Variants in PRSS53 observed in about 807,000 individuals in gnomAD.
PRSS53 encodes the protein serine protease 53.
A neutral mutation model predicts 62.7 loss-of-function variants in PRSS53; 54 were observed. The observed-to-expected ratio is 0.86, with a 90% CI of 0.69 to 1.08. PRSS53 has a LOEUF of 1.08. PRSS53 is among the 50% of genes least tolerant of loss of function. The pLI is 0.00. For missense variants in PRSS53, 688 were observed against 728.3 expected (o/e 0.94, Z 0.64); for synonymous variants, 273 against 300.0 (o/e 0.91, Z 0.93).
At chr16:31,088,035 C>T (rs1233686706) in intron 1 of PRSS53, 2 of 1,457,174 alleles carry the variant, frequency 1.4e-6, no homozygotes, top group Admixed American at 4.6e-5. Context: ...AATTAATTCT[C>T]CTTCAGCTGT....
intron 4 of PRSS53, 30 bp from the exon 5 acceptor site, chr16:31,086,521 G>A (rs764002865): frequency 1.3e-6 from 2 of 1,593,534 alleles, no homozygotes; most frequent in African/African-American, 1.3e-5. Context: ...TGGGGCTAGA[G>A]TCTGGGATCT....
exon 5 of PRSS53, chr16:31,086,417 G>A (rs750162026): frequency 3.1e-6 from 5 of 1,614,164 alleles, no homozygotes; most frequent in South Asian, 1.1e-5. Flanking sequence ...TGTCGCTGGT[G>A]CAGCTGGTTG....
In PRSS53 at chr16:31,084,779, C is replaced by T. The variant is rs775659363; in HGVS notation, c.1279+1G>A. On this transcript the variant is annotated splice_donor_variant, in intron 8 of 10. Coordinates refer to ENST00000280606, the Ensembl canonical transcript of PRSS53. LOFTEE classifies it high-confidence loss of function. ...GCAGCCCTGGCCCTGTGCCCACCTA[C>T]CTGCTCCTGGGCGGGCCCGTCCCAG... 3.0e-5 allele frequency: 47 copies of T among 1,560,736 alleles called. No individual in the cohort carries two copies. Among genetic ancestry groups the T allele is most frequent in the African/African-American group, 2.2e-4 (16 of 73,838 alleles).
At chr16:31,087,751 C>T in intron 2 of PRSS53, 52 bp from the exon 3 acceptor site, 1 of 1,614,126 alleles carries the variant, frequency 6.2e-7, no homozygotes, top group Non-Finnish European at 8.5e-7. Context: ...CTGACCTCAC[C>T]CCAGTCCCAA....
At chr16:31,083,507 A>G (rs2057192857) in exon 11 of PRSS53, 3 of 1,339,034 alleles carry the variant, frequency 2.2e-6, no homozygotes, top group Non-Finnish European at 2.9e-6. Flanking sequence ...GAAATTTTCA[A>G]AACAACGTGG....
At chr16:31,083,628 G>A in exon 11 of PRSS53, 1 of 1,512,146 alleles carries the variant, frequency 6.6e-7, no homozygotes, top group Non-Finnish European at 8.9e-7. Context: ...GCAGGGTGGG[G>A]AGTGGGCACC....
At chr16:31,087,225 G>A in intron 3 of PRSS53, 2 of 532,266 alleles carry the variant, frequency 3.8e-6, no homozygotes, top group Non-Finnish European at 3.3e-6. Flanking sequence ...TTGAACTCTT[G>A]GGCTCAAGCG....
chr16:31,088,866 T>G, exon 1 of PRSS53: 1 of 1,606,606 alleles, frequency 6.2e-7, no homozygotes, highest in Non-Finnish European at 8.5e-7. Context: ...CACCTGGGTC[T>G]CCCTGGCTCC....
At chr16:31,083,584 TG>T (rs2057193933) in exon 11 of PRSS53, 2 of 1,446,726 alleles carry the variant, frequency 1.4e-6, no homozygotes, top group South Asian at 3.0e-5. Flanking sequence ...GTAGCAGAGT[TG>T]GGTGTGGGAG....
chr16:31,084,064 A>G, intron 10 of PRSS53, 55 bp downstream of exon 10: 1 of 1,536,072 alleles, frequency 6.5e-7, no homozygotes, highest in Non-Finnish European at 8.8e-7. Context: ...TTCTCACTGG[A>G]GAGAGAAGGG....
chr16:31,084,249 G>C, exon 10 of PRSS53: 1 of 1,612,092 alleles, frequency 6.2e-7, no homozygotes, highest in Non-Finnish European at 8.5e-7. Context: ...GCCTGGCGGG[G>C]CCTTGGCAAG....
intron 1 of PRSS53, chr16:31,088,165 G>C (rs2057254236): frequency 3.1e-6 from 4 of 1,281,402 alleles, no homozygotes; most frequent in South Asian, 1.6e-5. Flanking sequence ...TGTGTAGAGA[G>C]CATTAGCTTA....
At chr16:31,088,535 C>T in intron 1 of PRSS53, 1 of 1,428,808 alleles carries the variant, frequency 7.0e-7, no homozygotes, top group Non-Finnish European at 9.2e-7. Flanking sequence ...GACCACAGGC[C>T]CCGCCAACGC....
chr16:31,087,669 T>C (rs1356587393), exon 3 of PRSS53: 1 of 1,612,058 alleles, frequency 6.2e-7, no homozygotes, highest in Non-Finnish European at 8.5e-7. Flanking sequence ...CTCCTGAGGC[T>C]TGGGGGGGCC....
In PRSS53 at chr16:31,083,643, G is replaced by T. The variant is rs1010405619; in HGVS notation, c.*147C>A. ...GCAGGGTGGGGAGTGGGCACCTGTG[G>T]CCCCAGGCAGGTTCCTTCCCACAGC... On this transcript the variant is annotated 3_prime_UTR_variant, in exon 11 of 11. Coordinates refer to ENST00000280606, the Ensembl canonical transcript of PRSS53. The T allele has an allele frequency of 5.9e-6, 9 of 1,530,360 alleles. No homozygotes were observed. The African/African-American group carries it at 9.6e-5, about 16-fold the overall frequency. The allele number at this position is 1,530,360 out of a possible 1,614,324, so 94.8% of individuals were successfully genotyped here.
At chr16:31,087,304 G>A in intron 3 of PRSS53, 1 of 582,148 alleles carries the variant, frequency 1.7e-6, no homozygotes, top group Non-Finnish European at 3.1e-6. Context: ...GCCTCAGTCT[G>A]TGACTTTAAG....
intron 10 of PRSS53, 108 bp downstream of exon 10, chr16:31,084,011 C>A (rs1596784098): frequency 2.7e-6 from 4 of 1,499,534 alleles, no homozygotes; most frequent in Non-Finnish European, 3.6e-6. Flanking sequence ...CTGCCTGTTG[C>A]TCCACCCTAC....
At chr16:31,087,684 C>T in exon 3 of PRSS53, 1 of 1,612,232 alleles carries the variant, frequency 6.2e-7, no homozygotes, top group Non-Finnish European at 8.5e-7. Flanking sequence ...GGGGCCGGGG[C>T]CACGCTGTCC....
chr16:31,088,440 G>A, intron 1 of PRSS53: 2 of 1,266,662 alleles, frequency 1.6e-6, no homozygotes, highest in South Asian at 3.9e-5. Context: ...GGCCAGAGGA[G>A]CCCAGAGTTT....
Sources: gnomAD v4.1 joint callset for allele counts on GRCh38, gnomAD v4.1.1 for gene constraint, MANE v1.5 for transcripts, NCBI Gene and HGNC (gene_info 2026-07-23, HGNC 2026-07-21) for gene names.